FBXO38: variants seen among roughly 807,000 people sequenced by gnomAD.
FBXO38 encodes F-box protein 38.
A neutral mutation model predicts 131.9 loss-of-function variants in FBXO38; 53 were observed. The observed-to-expected ratio is 0.40, with a 90% confidence interval of 0.32 to 0.51. The LOEUF is 0.51. FBXO38 is among the 20% of genes least tolerant of loss of function. The pLI, the probability that FBXO38 is intolerant of heterozygous loss-of-function variation, is 0.53. For missense variants in FBXO38, 1,076 were observed against 1,475.6 expected (o/e 0.73, Z 4.44); for synonymous variants, 452 against 505.6 (o/e 0.89, Z 1.42).
chr5:148,424,100 T>C lies in FBXO38; in HGVS notation c.1721T>C (p.Val574Ala), dbSNP rs1277462492. ...AGCCAGGCAATTATTCCTGTGGATG[T>C]TGATGAGGAACAAGCAGGTAATCAT... The part of the protein sequence containing the change: ...AHSQAIIPVD[V>A]DEEQAGPSGL... The change falls in exon 13 of 22, where the codon GTT becomes GCT. Residue 574 changes from valine to alanine, a missense_variant. Physicochemically the swap from Val to Ala is moderately conservative, Grantham distance 64. Coordinates refer to ENST00000340253, the MANE Select transcript of FBXO38 (RefSeq NM_205836.3). The C allele has an allele frequency of 1.2e-6, 2 of 1,613,174 alleles. No individual in the cohort carries two copies. The highest frequency in any genetic ancestry group is 1.7e-6 in the Non-Finnish European group (2 of 1,179,578).
chr5:148,387,681 AATTT>A (rs1757983544), intron 1 of FBXO38, among the ~76,000 whole-genome samples: 1 of 150,698 alleles, frequency 6.6e-6, no homozygotes, highest in Non-Finnish European at 1.5e-5. Context: ...AGCCTTAGGG[AATTT>A]ATTTCTTTTT....
intron 1 of FBXO38, among the ~76,000 whole-genome samples, chr5:148,387,772 A>T (rs775767463): frequency 5.3e-5 from 8 of 150,108 alleles, no homozygotes; most frequent in Non-Finnish European, 1.0e-4. Flanking sequence ...GCTCACTGCA[A>T]CCTCTGACAC....
intron 1 of FBXO38, among the ~76,000 whole-genome samples, chr5:148,390,812 T>C (rs1254994861): frequency 2.0e-5 from 3 of 152,082 alleles, no homozygotes; most frequent in African/African-American, 4.8e-5. Context: ...AAGCACCACA[T>C]TGCAGAATCC....
chr5:148,413,257 TG>T (rs1220637828), intron 9 of FBXO38: 1 of 152,116 alleles, frequency 6.6e-6, no homozygotes, highest in Non-Finnish European at 1.5e-5. Flanking sequence ...ATTGGAAGTT[TG>T]GAGAAGATGG....
At chr5:148,392,661 C>T (rs955145174) in intron 1 of FBXO38, among the ~76,000 whole-genome samples, 3 of 149,128 alleles carry the variant, frequency 2.0e-5, no homozygotes, top group Non-Finnish European at 4.4e-5. Context: ...TACAATTGCC[C>T]AGGGAGAAGA....
rs200440687 is a variant in FBXO38 at position 148,410,740 on chromosome 5, A to T, written c.1068A>T (p.Gly356=). The change falls in exon 9 of 22, where the codon GGA becomes GGT. Residue 356 remains glycine (G), a synonymous_variant. Coordinates refer to ENST00000340253, the MANE Select transcript of FBXO38 (RefSeq NM_205836.3). ...EFPQFETLHL[G]YVDEFLLQSR... ...CCCAGTTTGAAACCCTTCATCTAGGATATGTAGATGAGTTTTTGCTACAGA... is the reference window on the plus strand; with the variant it reads ...CCCAGTTTGAAACCCTTCATCTAGGTTATGTAGATGAGTTTTTGCTACAGA... 5 of 1,612,926 alleles carry T rather than the reference A, an allele frequency of 3.1e-6. No individual in the cohort carries two copies. The highest frequency in any genetic ancestry group is 3.4e-6 in the Non-Finnish European group (4 of 1,179,478).
chr5:148,416,492 T>C (rs1753062602), intron 11 of FBXO38: 1 of 164,700 alleles, frequency 6.1e-6, no homozygotes, highest in South Asian at 1.8e-4. Context: ...TGCTGCTATC[T>C]TTCTGTTAAG....
chr5:148,427,271 G>A lies in FBXO38; in HGVS notation c.1977G>A (p.Gln659=), dbSNP rs772739552. 1.2e-6 allele frequency: 2 copies of A among 1,614,046 alleles called. No individual in the cohort carries two copies. Among genetic ancestry groups the A allele is most frequent in the Non-Finnish European group, 1.7e-6 (2 of 1,180,010 alleles). Residue 659 remains glutamine, a synonymous_variant, in exon 15 of 22, where the codon CAG becomes CAA. Coordinates refer to ENST00000340253, the MANE Select transcript of FBXO38 (RefSeq NM_205836.3). ...RKRYNSHQMG[Q]SKQFPLEESS... is the part of the protein sequence containing the mutation. ...GGTACAACTCCCATCAGATGGGCCAGTCGAAGCAGTTTCCCCTCGAGGAAA... is the reference window on the plus strand; with the variant it reads ...GGTACAACTCCCATCAGATGGGCCAATCGAAGCAGTTTCCCCTCGAGGAAA...
At position 148,437,343 on chromosome 5, in the gene FBXO38, G is replaced by A. The variant is rs74449784; in HGVS notation, c.2858-989G>A. ...CACTGGATCCTTACTGTCATCTAGC[G>A]CTCTCCTTTCCTCTGTTGCTGTCCT... On this transcript the variant is annotated intron_variant, in intron 17 of 21. Coordinates refer to ENST00000340253, the MANE Select transcript of FBXO38 (RefSeq NM_205836.3). Among the ~76,000 whole-genome samples, 845 of 152,268 alleles carry A rather than the reference G, an allele frequency of 5.5e-3. 33 individuals carry two copies. The East Asian group carries it at 0.1, about 19-fold the overall frequency.
chr5:148,386,439 C>T (rs1757917696), intron 1 of FBXO38, among the ~76,000 whole-genome samples: 1 of 151,924 alleles, frequency 6.6e-6, no homozygotes, highest in South Asian at 2.1e-4. Context: ...GAATATGAAC[C>T]CCCTGAAATC....
At chr5:148,408,656 CAGATA>C (rs899943073) in intron 7 of FBXO38, among the ~76,000 whole-genome samples, 2 of 152,130 alleles carry the variant, frequency 1.3e-5, no homozygotes, top group African/African-American at 4.8e-5. Context: ...AAATTTAAAA[CAGATA>C]AATCAGTCAT....
In FBXO38 at chr5:148,442,371, T is replaced by C. The variant is rs895051977; in HGVS notation, c.*224T>C. On this transcript the variant is annotated 3_prime_UTR_variant, in exon 22 of 22. Coordinates refer to ENST00000340253, the MANE Select transcript of FBXO38 (RefSeq NM_205836.3). ...AACTTTATATCATATGTTTATACAATTTAATTTAAAAATTCATTTTAAGGA... is the reference window on the plus strand; with the variant it reads ...AACTTTATATCATATGTTTATACAACTTAATTTAAAAATTCATTTTAAGGA... The C allele has an allele frequency of 8.9e-6, 3 of 335,514 alleles. No homozygotes were observed. Among genetic ancestry groups the C allele is most frequent in the Non-Finnish European group, 1.6e-5 (3 of 187,784 alleles). The allele number at this position is 335,514 out of a possible 1,614,324, so 20.8% of individuals were successfully genotyped here. A position where few individuals can be genotyped will look rare whatever the true frequency, so the allele number is the denominator to read the frequency against.
intron 2 of FBXO38, among the ~76,000 whole-genome samples, chr5:148,395,211 T>C (rs1010118392): frequency 1.3e-5 from 2 of 152,168 alleles, no homozygotes; most frequent in African/African-American, 4.8e-5. Flanking sequence ...TTTTATTGGC[T>C]AATAGATTTG....
intron 12 of FBXO38, among the ~76,000 whole-genome samples, chr5:148,420,162 A>G (rs1753328224): frequency 6.8e-6 from 1 of 147,720 alleles, no homozygotes; most frequent in Admixed American, 6.9e-5. Context: ...TCTCACTGTC[A>G]CTCAGGCTGG....
intron 3 of FBXO38, among the ~76,000 whole-genome samples, chr5:148,400,103 T>G (rs184938808): frequency 3.1e-4 from 47 of 149,458 alleles, no homozygotes; most frequent in African/African-American, 1.1e-3. Flanking sequence ...CCATAGTAGT[T>G]ATCAATATAT....
At chr5:148,439,849 C>G in intron 19 of FBXO38, 57 bp downstream of exon 19, 1 of 1,543,542 alleles carries the variant, frequency 6.5e-7, no homozygotes, top group South Asian at 1.2e-5. Context: ...AGCAGGGACT[C>G]CCAGAAGCAA....
rs3734120 is a variant in FBXO38 at position 148,441,906 on chromosome 5, C to T, written c.3389-63C>T. On this transcript the variant is annotated intron_variant, in intron 21 of 21. Transcript: ENST00000340253. ...GGGACTGTCCTATGGACCAGCTTAT[C>T]AGTGATTTTCCAAATGATTCTGATT... 377,984 of 1,423,262 alleles carry T rather than the reference C, an allele frequency of 0.27. 50,903 individuals are homozygous for T. The highest frequency in any genetic ancestry group is 0.29 in the South Asian group (22,492 of 77,014). The allele number at this position is 1,423,262 out of a possible 1,614,324, so 88.2% of individuals were successfully genotyped here.
intron 14 of FBXO38, 84 bp downstream of exon 14, chr5:148,425,785 C>A: frequency 2.6e-6 from 3 of 1,165,130 alleles, no homozygotes; most frequent in Non-Finnish European, 3.7e-6. Flanking sequence ...AACTTGGGTG[C>A]AGTTAACATA....
intron 13 of FBXO38, 31 bp from the exon 14 acceptor site, chr5:148,425,491 A>T (rs773976799): frequency 6.3e-7 from 1 of 1,575,004 alleles, no homozygotes; most frequent in African/African-American, 1.4e-5. Context: ...TTGCGCAAAA[A>T]GTAACTGTTA....
Sources: gnomAD v4.1 joint callset for allele counts (sites outside exome capture counted in the v4.1 genomes callset) on GRCh38, gnomAD v4.1.1 for gene constraint, MANE v1.5 for transcripts, NCBI Gene and HGNC (gene_info 2026-07-23, HGNC 2026-07-21) for gene names.